CSRNP1: variants seen among roughly 807,000 people sequenced by gnomAD.
The protein encoded by CSRNP1 is cysteine and serine rich nuclear protein 1.
In CSRNP1, 8 loss-of-function variants were observed where a neutral mutation model predicts 25.0. That is an observed-to-expected ratio of 0.32 (90% CI 0.19 to 0.58). CSRNP1 has a LOEUF of 0.58. CSRNP1 is among the 20% of genes least tolerant of loss of function. CSRNP1 has a pLI of 0.88. For synonymous variants in CSRNP1, 305 were observed against 303.1 expected, an observed-to-expected ratio of 1.01 and a Z score of -0.06; for missense variants, 691 against 773.1, an observed-to-expected ratio of 0.89 and a Z score of 1.26.
rs1218474873 is a variant in CSRNP1, at chr3:39,142,982, G to C, written c.*73C>G. The C allele has an allele frequency of 3.3e-6, 5 of 1,501,568 alleles. No homozygotes were observed. In the African/African-American group the frequency reaches 7.0e-5, roughly 21 times the overall value. 93.0% of individuals were successfully genotyped at this position (1,501,568 alleles called of 1,614,324 possible). A position where few individuals can be genotyped will look rare whatever the true frequency, so the allele number is the denominator to read the frequency against. ...CCAGCCAGTGGGAGACTGTTACGCA[G>C]ACTCTGGGGAGCCCCATAATTACAA... On this transcript the variant is annotated 3_prime_UTR_variant, in exon 5 of 5. Transcript: ENST00000273153.
chr3:39,142,908 A>C lies in CSRNP1; in HGVS notation c.*147T>G. The C allele has an allele frequency of 1.1e-6, 1 of 912,252 alleles. No individual in the cohort carries two copies. Among genetic ancestry groups the C allele is most frequent in the Non-Finnish European group, 1.6e-6 (1 of 611,722 alleles). The allele number at this position is 912,252 out of a possible 1,614,324, so 56.5% of individuals were successfully genotyped here. A position where few individuals can be genotyped will look rare whatever the true frequency, so the allele number is the denominator to read the frequency against. ...AAAGTTAAAACAAATAAATAAATCC[A>C]GAGAATTGTTTGAAAACCAGGAGTG... On this transcript the variant is annotated 3_prime_UTR_variant, in exon 5 of 5. Transcript: ENST00000273153.
Position 39,144,085 on chromosome 3 carries a change from G to A in CSRNP1, c.781-41C>T, listed in dbSNP as rs2039465235. 3 of 1,605,714 alleles carry A rather than the reference G, an allele frequency of 1.9e-6. No homozygotes were observed. In the South Asian group the frequency reaches 3.3e-5, roughly 18 times the overall value. On this transcript the variant is annotated intron_variant, in intron 4 of 4. Coordinates refer to ENST00000273153, the MANE Select transcript of CSRNP1 (RefSeq NM_033027.4). ...GAGGTACAAGTGAGGGTTCTGTGGA[G>A]TGCAAAGAAGTCCCCACGCTCAGGA...
rs546960133 is a variant in CSRNP1, at chr3:39,153,566, G to A, written c.-169C>T. 3 of 154,688 alleles carry A rather than the reference G, an allele frequency of 1.9e-5. No individual in the cohort carries two copies. The South Asian group carries it at 5.5e-4, about 28-fold the overall frequency. The allele number at this position is 154,688 out of a possible 1,614,324, so 9.6% of individuals were successfully genotyped here. On this transcript the variant is annotated 5_prime_UTR_variant, in exon 1 of 5. Coordinates refer to ENST00000273153, the MANE Select transcript of CSRNP1 (RefSeq NM_033027.4). ...CAGCCGCCCCTCGCTCTGCGCGTCC[G>A]GCAGCGGCGGCGGCGGCGGGAGACT...
chr3:39,150,956 T>C (rs1698608604), intron 1 of CSRNP1: 1 of 152,320 alleles, frequency 6.6e-6, no homozygotes, highest in African/African-American at 2.4e-5. Context: ...TGTTCCTCTG[T>C]TCCACCTCGG....
rs1421073787 is a variant in CSRNP1, at chr3:39,153,453, T to A, written c.-56A>T. Reference sequence around the variant, plus strand: ...CGGCGCTCACCTGCAATCCGGACGCTCGCGGAGGACAACGACGCGACCCGC... The same window carrying A: ...CGGCGCTCACCTGCAATCCGGACGCACGCGGAGGACAACGACGCGACCCGC... On this transcript the variant is annotated 5_prime_UTR_variant, in exon 1 of 5. Coordinates refer to ENST00000273153, the MANE Select transcript of CSRNP1 (RefSeq NM_033027.4). 6 of 330,218 alleles carry A rather than the reference T, an allele frequency of 1.8e-5. No homozygotes were observed. Among genetic ancestry groups the A allele is most frequent in the African/African-American group, 4.5e-5 (2 of 44,090 alleles). The allele number at this position is 330,218 out of a possible 1,614,324, so 20.5% of individuals were successfully genotyped here. A position where few individuals can be genotyped will look rare whatever the true frequency, so the allele number is the denominator to read the frequency against.
In CSRNP1 at chr3:39,145,035, G is replaced by A. The variant is rs150622788; in HGVS notation, c.427C>T (p.Arg143Cys). Reference protein sequence around the residue: ...ARARHEKLRQRLKEEKLEMLQ... With the variant: ...ARARHEKLRQCLKEEKLEMLQ... ...ATCTCCAACTTCTCCTCTTTCAAGC[G>A]CTGGCGGAGCTTCTCGTGCCGTGCA... The change falls in exon 3 of 5, where the codon CGC becomes TGC. Residue 143 changes from arginine to cysteine, a missense_variant. By Grantham distance (180) the Arg-to-Cys change is radical. Transcript: ENST00000273153. 7.0e-5 allele frequency: 113 copies of A among 1,613,300 alleles called. No individual in the cohort carries two copies. The highest frequency in any genetic ancestry group is 8.9e-5 in the Non-Finnish European group (105 of 1,179,442).
In CSRNP1 at chr3:39,144,174, T is replaced by G. The variant is rs1245604657; in HGVS notation, c.743A>C (p.Glu248Ala). 2 of 1,614,084 alleles carry G rather than the reference T, an allele frequency of 1.2e-6. No individual in the cohort carries two copies. The highest frequency in any genetic ancestry group is 3.3e-5 in the Admixed American group (2 of 60,026). Residue 248 changes from glutamate to alanine, a missense_variant, in exon 4 of 5, where the codon GAG becomes GCG. Physicochemically the swap from Glu to Ala is moderately radical, Grantham distance 107. Transcript: ENST00000273153. ...GCHCDRICDP[E>A]TCSCSLAGIK... ...GCCTGCCAGGCTGCAGCTGCAGGTC[T>G]CAGGGTCGCAGATCCTATCGCAGTG...
In CSRNP1 at chr3:39,145,208, G is replaced by T. The variant is rs1222834980; in HGVS notation, c.254C>A (p.Ala85Asp). The change falls in exon 3 of 5, where the codon GCC (alanine) becomes GAC (aspartate). Residue 85 changes from alanine to aspartate, a missense_variant. Transcript: ENST00000273153. The stretch of plus-strand genomic sequence containing the variant: ...GTAGAAGACGGTGATCCCATCAAAG[G>T]CTACACGGCCTGGGCGCTCCCGGCG... ...RARRERPGRV[A>D]FDGITVFYFP... The T allele has an allele frequency of 6.8e-6, 11 of 1,613,304 alleles. No homozygotes were observed. In the African/African-American group the frequency reaches 8.0e-5, roughly 12 times the overall value.
At position 39,144,399 on chromosome 3, in the gene CSRNP1, T is replaced by C. The variant is rs1041674662; in HGVS notation, c.518A>G (p.Asp173Gly). 3 of 1,613,116 alleles carry C rather than the reference T, an allele frequency of 1.9e-6. No homozygotes were observed. Among genetic ancestry groups the C allele is most frequent in the African/African-American group, 2.7e-5 (2 of 74,902 alleles). The part of the protein sequence containing the change: ...QAEAGLPPVV[D>G]AIDDASVEED... ...CTCCACAGAGGCGTCATCAATGGCATCCACCACAGGTGGCAGCCCTGCCTC... is the reference window on the plus strand; with the variant it reads ...CTCCACAGAGGCGTCATCAATGGCACCCACCACAGGTGGCAGCCCTGCCTC... The change falls in exon 4 of 5, where the codon GAT becomes GGT. Residue 173 changes from aspartate to glycine, a missense_variant. Transcript: ENST00000273153.
chr3:39,143,358 A>G lies in CSRNP1; in HGVS notation c.1467T>C (p.Ala489=). 6 of 1,614,202 alleles carry G rather than the reference A, an allele frequency of 3.7e-6. No individual in the cohort carries two copies. In the Admixed American group the frequency reaches 6.7e-5, roughly 18 times the overall value. Residue 489 remains alanine, a synonymous_variant, in exon 5 of 5, where the codon GCT becomes GCC. Transcript: ENST00000273153. ...TGAGATCCACTGAGCTACTCCGGCC[A>G]GCGTCCATGCTGGGTGGCACTGAGG... is the stretch of plus-strand genomic sequence containing the variant. ...PGTSVPPSMD[A]GRSSSVDLSL...
chr3:39,144,911 G>C (rs1243284281), intron 3 of CSRNP1, 86 bp downstream of exon 3: 9 of 1,446,674 alleles, frequency 6.2e-6, no homozygotes, highest in Non-Finnish European at 7.5e-6. Context: ...GAGCAAGTCA[G>C]CACCCACCCC....
At chr3:39,148,998 T>C (rs913514783) in intron 1 of CSRNP1, 3 of 152,222 alleles carry the variant, frequency 2.0e-5, no homozygotes, top group Admixed American at 2.0e-4. Context: ...AACCTCTCTG[T>C]GCCTCCAATT....
intron 1 of CSRNP1, chr3:39,150,600 GGCAGGAGAGGGAAGCTCAGGCT>G (rs1221734264): frequency 6.6e-6 from 1 of 152,564 alleles, no homozygotes; most frequent in East Asian, 1.9e-4. Flanking sequence ...TGGCTCTGGT[GGCAGGAGAGGGAAGCTCAGGCT>G]GCAGGCAGGT....
intron 3 of CSRNP1, 67 bp from the exon 4 acceptor site, chr3:39,144,518 T>C: frequency 6.8e-7 from 1 of 1,461,462 alleles, no homozygotes; most frequent in East Asian, 2.3e-5. Context: ...CTACTGTCAC[T>C]AGACAAACCC....
rs754593845 is a variant in CSRNP1 at position 39,143,214 on chromosome 3, G to T, written c.1611C>A (p.Phe537Leu). Residue 537 changes from phenylalanine to leucine, a missense_variant, in exon 5 of 5, where the codon TTC (phenylalanine) becomes TTA (leucine). Physicochemically the swap from Phe to Leu is conservative, Grantham distance 22 (BLOSUM62 0). Transcript: ENST00000273153. Reference protein sequence around the residue: ...DSLDNIEAPHFPLPGLSPPGD... With the variant: ...DSLDNIEAPHLPLPGLSPPGD... ...CAGGTGGAGACAGGCCAGGCAGGGGGAAGTGAGGTGCCTCGATGTTGTCCA... is the reference window on the plus strand; with the variant it reads ...CAGGTGGAGACAGGCCAGGCAGGGGTAAGTGAGGTGCCTCGATGTTGTCCA... The T allele has an allele frequency of 1.7e-5, 27 of 1,614,108 alleles. No individual in the cohort carries two copies. In the African/African-American group the frequency reaches 2.5e-4, roughly 15 times the overall value.
Position 39,143,784 on chromosome 3 carries a change from G to C in CSRNP1, c.1041C>G (p.Ser347Arg). ...PPMNNELGDN[S>R]CSSDMTDSST... ...AAGAATCAGTCATGTCGCTGCTGCA[G>C]CTGTTGTCTCCCAGCTCATTGTTCA... The change falls in exon 5 of 5, where the codon AGC (serine) becomes AGG (arginine). Residue 347 changes from serine (S) to arginine (R), a missense_variant. Physicochemically the swap from Ser to Arg is moderately radical, Grantham distance 110. Coordinates refer to ENST00000273153, the MANE Select transcript of CSRNP1 (RefSeq NM_033027.4). 1 of 1,614,136 alleles carries C rather than the reference G, an allele frequency of 6.2e-7. No homozygotes were observed. Among genetic ancestry groups the C allele is most frequent in the Non-Finnish European group, 8.5e-7 (1 of 1,179,970 alleles).
At chr3:39,144,485 C>T (rs2039477147) in intron 3 of CSRNP1, 34 bp from the exon 4 acceptor site, 2 of 1,558,176 alleles carry the variant, frequency 1.3e-6, no homozygotes, top group Non-Finnish European at 1.7e-6. Flanking sequence ...GTAAGAAGCA[C>T]AGACATGGAC....
chr3:39,152,581 G>T, intron 1 of CSRNP1: 1 of 152,806 alleles, frequency 6.5e-6, no homozygotes, highest in Non-Finnish European at 1.5e-5. Flanking sequence ...GTGGGCAGCA[G>T]GAGACGGGGA....
intron 2 of CSRNP1, 125 bp downstream of exon 2, chr3:39,146,353 T>A: frequency 8.2e-7 from 1 of 1,221,276 alleles, no homozygotes; most frequent in Non-Finnish European, 1.1e-6. Context: ...ATATTATAGC[T>A]CATGAGAGCT....
Sources: allele counts gnomAD v4.1 joint callset, GRCh38; gene constraint gnomAD v4.1.1; transcripts MANE v1.5; gene names NCBI Gene and HGNC (gene_info 2026-07-23, HGNC 2026-07-21).